Variants in ABLIM3 observed in about 807,000 individuals in gnomAD.
ABLIM3 encodes actin-binding LIM protein 3.
ABLIM3 carries 61 observed loss-of-function variants against 109.5 expected under a neutral mutation model. That is an observed-to-expected ratio of 0.56 (90% CI 0.45 to 0.69). The LOEUF is 0.69. Among genes scored for constraint, ABLIM3 ranks in the 30% least tolerant of loss-of-function variants. The pLI, the probability that ABLIM3 is intolerant of heterozygous loss-of-function variation, is 0.00. For missense variants in ABLIM3, 796 were observed against 889.5 expected (o/e 0.89, Z 1.34); for synonymous variants, 300 against 324.8 (o/e 0.92, Z 0.82).
chr5:149,173,730 A>C (rs1561552047), intron 2 of ABLIM3, among the ~76,000 whole-genome samples: 1 of 152,038 alleles, frequency 6.6e-6, no homozygotes, highest in African/African-American at 2.4e-5. Flanking sequence ...CAAAAACAAG[A>C]AGTAGGAACC....
intron 23 of ABLIM3, among the ~76,000 whole-genome samples, chr5:149,257,756 A>G (rs944685253): frequency 4.6e-5 from 7 of 152,246 alleles, no homozygotes; most frequent in African/African-American, 1.7e-4. Flanking sequence ...TTGTTTTCAT[A>G]TCAGAAAAAG....
intron 2 of ABLIM3, among the ~76,000 whole-genome samples, chr5:149,146,845 G>T (rs1468149039): frequency 6.6e-6 from 1 of 152,136 alleles, no homozygotes; most frequent in Non-Finnish European, 1.5e-5. Context: ...TTCTAATTCT[G>T]TAAAAAATGA....
chr5:149,256,535 A>C (rs1034017220), intron 23 of ABLIM3, among the ~76,000 whole-genome samples: 1 of 152,246 alleles, frequency 6.6e-6, no homozygotes, highest in African/African-American at 2.4e-5. Flanking sequence ...AACTGTGAAA[A>C]GACATTTTCA....
intron 7 of ABLIM3, among the ~76,000 whole-genome samples, chr5:149,216,070 G>A (rs1760048506): frequency 6.6e-6 from 1 of 152,190 alleles, no homozygotes; most frequent in African/African-American, 2.4e-5. Context: ...TCACACTGGG[G>A]TGAGCTGCGG....
chr5:149,196,782 A>G (rs1235578983), intron 3 of ABLIM3, among the ~76,000 whole-genome samples: 2 of 152,212 alleles, frequency 1.3e-5, no homozygotes, highest in Non-Finnish European at 2.9e-5. Context: ...GAAATTTTGC[A>G]TCTTTCTGCT....
rs1177293450 is a variant in ABLIM3 at position 149,198,438 on chromosome 5, C to T, written c.335+36C>T. On this transcript the variant is annotated intron_variant, in intron 4 of 23. Coordinates refer to ENST00000309868, the MANE Select transcript of ABLIM3 (RefSeq NM_014945.5). The surrounding 1 kb of genome is among the most constrained non-coding windows in gnomAD (Gnocchi z 4.2). ...GACCAGCAGGGCCTGGGACCCTCTGCATAAGCCCCCGGGGCAGGGGAAGAC... is the reference window on the plus strand; with the variant it reads ...GACCAGCAGGGCCTGGGACCCTCTGTATAAGCCCCCGGGGCAGGGGAAGAC... The T allele has an allele frequency of 6.4e-7, 1 of 1,562,536 alleles. No homozygotes were observed. The highest frequency in any genetic ancestry group is 2.3e-5 in the East Asian group (1 of 44,250).
chr5:149,194,760 G>A (rs901542154), intron 3 of ABLIM3, among the ~76,000 whole-genome samples: 2 of 152,144 alleles, frequency 1.3e-5, no homozygotes, highest in Admixed American at 1.3e-4. Flanking sequence ...TACATCACAG[G>A]TGGTAAGACT....
intron 2 of ABLIM3, among the ~76,000 whole-genome samples, chr5:149,157,386 C>T (rs560711843): frequency 1.5e-4 from 23 of 152,268 alleles, no homozygotes; most frequent in African/African-American, 5.5e-4. Flanking sequence ...GCCCACATGC[C>T]TTGTAGCCTA....
At chr5:149,209,404 C>T (rs915153771) in intron 6 of ABLIM3, among the ~76,000 whole-genome samples, 5 of 152,192 alleles carry the variant, frequency 3.3e-5, no homozygotes, top group African/African-American at 1.2e-4. Flanking sequence ...CAAGGGACTC[C>T]ACTGCTCAGA....
rs1380205943 is a variant in ABLIM3 at position 149,245,038 on chromosome 5, G to A, written c.1486+23G>A. ...AAGGTAGTACCCCCATAGGAGCCTG[G>A]GTCCAGGGCCCTAACACCTGTGCCA... On this transcript the variant is annotated intron_variant, in intron 16 of 23. Coordinates refer to ENST00000309868, the MANE Select transcript of ABLIM3 (RefSeq NM_014945.5). 3.1e-6 allele frequency: 5 copies of A among 1,613,940 alleles called. No individual in the cohort carries two copies. In the African/African-American group the frequency reaches 4.0e-5, roughly 13 times the overall value.
intron 5 of ABLIM3, among the ~76,000 whole-genome samples, chr5:149,204,867 T>C (rs1210985016): frequency 6.6e-6 from 1 of 152,204 alleles, no homozygotes. Flanking sequence ...CGCTGTACTC[T>C]CTCCTACAGC....
Position 149,230,716 on chromosome 5 carries a change from G to C in ABLIM3, c.816+9G>C, listed in dbSNP as rs375554619. ...CAGAGAAGAAGTTAAAGGTAAGCAA[G>C]CTAGTAGATTCCAGACCAGCACTCC... On this transcript the variant is annotated intron_variant, in intron 9 of 23. Transcript: ENST00000309868. 20 of 1,613,878 alleles carry C rather than the reference G, an allele frequency of 1.2e-5. No homozygotes were observed. In the African/African-American group the frequency reaches 2.5e-4, roughly 20 times the overall value.
Position 149,216,279 on chromosome 5 carries a change from T to C in ABLIM3, c.670-680T>C, listed in dbSNP as rs576215516. Among the ~76,000 whole-genome samples the C allele has an allele frequency of 1.2e-4, 18 of 152,334 alleles. No homozygotes were observed. The South Asian group carries it at 3.7e-3, about 32-fold the overall frequency. ...GTGTCTTGAGGTTGGCTCCCTTATA[T>C]GTAAGGAAACTTATATACGACATAA... On this transcript the variant is annotated intron_variant, in intron 7 of 23. Coordinates refer to ENST00000309868, the MANE Select transcript of ABLIM3 (RefSeq NM_014945.5).
At chr5:149,257,826 C>G (rs1754569214) in intron 23 of ABLIM3, among the ~76,000 whole-genome samples, 1 of 152,128 alleles carries the variant, frequency 6.6e-6, no homozygotes, top group Admixed American at 6.5e-5. Context: ...ATTGACTGGC[C>G]TGATGAACAG....
rs1364462243 is a variant in ABLIM3, at chr5:149,259,233, C to G, written c.*829C>G. 1 of 1,199,000 alleles carries G rather than the reference C, an allele frequency of 8.3e-7. No individual in the cohort carries two copies. Among genetic ancestry groups the G allele is most frequent in the Non-Finnish European group, 1.0e-6 (1 of 962,262 alleles). 74.3% of individuals were successfully genotyped at this position (1,199,000 alleles called of 1,614,324 possible). ...CTGCAGGATTTCTTGGGACCCTCCT[C>G]TCTCCCTCACTGCTCCCAGCACCTC... On this transcript the variant is annotated 3_prime_UTR_variant, in exon 24 of 24. Coordinates refer to ENST00000309868, the MANE Select transcript of ABLIM3 (RefSeq NM_014945.5).
At chr5:149,243,655 T>G (rs1753072343) in intron 15 of ABLIM3, 1 of 152,252 alleles carries the variant, frequency 6.6e-6, no homozygotes, top group Non-Finnish European at 1.5e-5. Context: ...TGCAAGTCTG[T>G]ACCAGCTTGT....
chr5:149,234,534 G>A (rs1176006521), intron 10 of ABLIM3, among the ~76,000 whole-genome samples: 1 of 152,100 alleles, frequency 6.6e-6, no homozygotes, highest in African/African-American at 2.4e-5. Flanking sequence ...GGGACTATGG[G>A]CACCTTTCCT....
chr5:149,215,920 G>A (rs1009461868), intron 7 of ABLIM3, among the ~76,000 whole-genome samples: 1 of 152,204 alleles, frequency 6.6e-6, no homozygotes, highest in African/African-American at 2.4e-5. Flanking sequence ...CTGCTGGCTT[G>A]CAGTGAACCC....
chr5:149,146,119 T>G (rs1752902963), intron 2 of ABLIM3, among the ~76,000 whole-genome samples: 1 of 152,214 alleles, frequency 6.6e-6, no homozygotes, highest in African/African-American at 2.4e-5. Flanking sequence ...TCTGTTCATG[T>G]CTTTTGCCCA....
Sources: gnomAD v4.1 joint callset for allele counts (sites outside exome capture counted in the v4.1 genomes callset) on GRCh38, gnomAD v4.1.1 for gene constraint, Gnocchi (gnomAD v3.1) non-coding constraint, MANE v1.5 for transcripts, NCBI Gene and HGNC (gene_info 2026-07-23, HGNC 2026-07-21) for gene names.